Variants in CCDC85C observed in about 807,000 individuals in gnomAD.
The protein encoded by CCDC85C is coiled-coil domain containing 85C.
Under a neutral mutation model 38.3 loss-of-function variants are expected in CCDC85C, and 18 were observed. The ratio of observed to expected loss-of-function variants is 0.47; its 90% CI spans 0.33 to 0.70. CCDC85C has a LOEUF of 0.70. CCDC85C is among the 30% of genes least tolerant of loss of function. CCDC85C has a pLI of 0.03. For synonymous variants in CCDC85C, 264 were observed against 293.8 expected, an observed-to-expected ratio of 0.90 and a Z score of 1.04; for missense variants, 566 against 621.2, an observed-to-expected ratio of 0.91 and a Z score of 0.94.
chr14:99,506,517 A>G lies in CCDC85C; in HGVS notation c.*8729T>C, dbSNP rs1223917770. ...ACTGCTGGGCTTTTGTGAGCGGCACATTCTTCCTGCCATCAGTGTGTCAAC... is the reference window on the plus strand; with the variant it reads ...ACTGCTGGGCTTTTGTGAGCGGCACGTTCTTCCTGCCATCAGTGTGTCAAC... On this transcript the variant is annotated 3_prime_UTR_variant, in exon 6 of 6. Transcript: ENST00000380243. The G allele has an allele frequency of 3.3e-5, 5 of 153,686 alleles. No homozygotes were observed. The highest frequency in any genetic ancestry group is 1.2e-4 in the African/African-American group (5 of 41,442). 9.5% of individuals were successfully genotyped at this position (153,686 alleles called of 1,614,324 possible).
In CCDC85C at chr14:99,509,527, ACATG is replaced by A. The variant is rs764800118; in HGVS notation, c.*5715_*5718del. On this transcript the variant is annotated 3_prime_UTR_variant, in exon 6 of 6. Transcript: ENST00000380243. Reference sequence around the variant, plus strand: ...ACGCACACACACGCAGCACGCACAGACATGCAGCACGCACGCAGCACGCACACGC... The same window carrying A: ...ACGCACACACACGCAGCACGCACAGACAGCACGCACGCAGCACGCACACGC... 1 of 153,214 alleles carries A rather than the reference ACATG, an allele frequency of 6.5e-6. No homozygotes were observed. Among genetic ancestry groups the A allele is most frequent in the Non-Finnish European group, 1.4e-5 (1 of 69,188 alleles). 9.5% of individuals were successfully genotyped at this position (153,214 alleles called of 1,614,324 possible).
At chr14:99,517,240 C>T (rs902094589) in intron 3 of CCDC85C, 57 bp from the exon 4 acceptor site, 33 of 1,366,166 alleles carry the variant, frequency 2.4e-5, no homozygotes, top group African/African-American at 2.9e-5. Flanking sequence ...CAGGAATGAC[C>T]GGTGGCTCAG....
chr14:99,531,602 G>A (rs914479593), intron 2 of CCDC85C, among the ~76,000 whole-genome samples: 11 of 147,218 alleles, frequency 7.5e-5, no homozygotes, highest in East Asian at 4.1e-4. Context: ...GGGTGGGACC[G>A]CGGGGAGTAG....
chr14:99,599,745 C>T (rs961591352), intron 1 of CCDC85C, among the ~76,000 whole-genome samples: 1 of 152,142 alleles, frequency 6.6e-6, no homozygotes, highest in African/African-American at 2.4e-5. Context: ...CAAAAATTAT[C>T]TGGGCATGGT....
rs774874149 is a variant in CCDC85C, at chr14:99,500,960, G to C, written c.*14286C>G. On this transcript the variant is annotated 3_prime_UTR_variant, in exon 6 of 6. Transcript: ENST00000380243. ...ACTCAAATTACGCTTCTCAAAAGCG[G>C]AAAACAAAGTTTGATGTGTGAAATA... The C allele has an allele frequency of 8.7e-5, 73 of 834,290 alleles. No individual in the cohort carries two copies. The African/African-American group carries it at 1.2e-3, about 14-fold the overall frequency. 51.7% of individuals were successfully genotyped at this position (834,290 alleles called of 1,614,324 possible).
chr14:99,556,026 T>C (rs528286629), intron 1 of CCDC85C, among the ~76,000 whole-genome samples: 2 of 152,318 alleles, frequency 1.3e-5, no homozygotes, highest in Admixed American at 6.5e-5. Flanking sequence ...GTACTGTCAA[T>C]GCAGTTGGAA....
chr14:99,516,949 G>A lies in CCDC85C; in HGVS notation c.1071+139C>T, dbSNP rs933280169. 208 of 778,776 alleles carry A rather than the reference G, an allele frequency of 2.7e-4. No homozygotes were observed. The East Asian group carries it at 5.5e-3, about 20-fold the overall frequency. The allele number at this position is 778,776 out of a possible 1,614,324, so 48.2% of individuals were successfully genotyped here. A position where few individuals can be genotyped will look rare whatever the true frequency, so the allele number is the denominator to read the frequency against. On this transcript the variant is annotated intron_variant, in intron 4 of 5. Coordinates refer to ENST00000380243, the MANE Select transcript of CCDC85C (RefSeq NM_001144995.2). The surrounding 1 kb of genome is among the most constrained non-coding windows in gnomAD (Gnocchi z 5.5). ...GTTCAACCTCACAGTGCTCCAGGCA[G>A]CCATGGTCACCCAGCCACCCACACA...
rs888623016 is a variant in CCDC85C, at chr14:99,502,058, TAA to T, written c.*13186_*13187del. 1 of 842,272 alleles carries T rather than the reference TAA, an allele frequency of 1.2e-6. No homozygotes were observed. Among genetic ancestry groups the T allele is most frequent in the Non-Finnish European group, 1.7e-6 (1 of 598,094 alleles). 52.2% of individuals were successfully genotyped at this position (842,272 alleles called of 1,614,324 possible). A position where few individuals can be genotyped will look rare whatever the true frequency, so the allele number is the denominator to read the frequency against. On this transcript the variant is annotated 3_prime_UTR_variant, in exon 6 of 6. Coordinates refer to ENST00000380243, the MANE Select transcript of CCDC85C (RefSeq NM_001144995.2). ...ACTTAGTCGGGTACCTTTAGAAGAG[TAA>T]AGACTTGAGTTTATTTATTTATAGT...
chr14:99,554,652 C>T (rs1401118185), intron 1 of CCDC85C, among the ~76,000 whole-genome samples: 2 of 152,254 alleles, frequency 1.3e-5, no homozygotes, highest in Non-Finnish European at 2.9e-5. Context: ...CCCACCCAGG[C>T]TCAAGCTCCT....
At chr14:99,563,840 G>A (rs928643919) in intron 1 of CCDC85C, among the ~76,000 whole-genome samples, 2 of 152,202 alleles carry the variant, frequency 1.3e-5, no homozygotes, top group African/African-American at 4.8e-5. Context: ...GAGCCAGATG[G>A]GCTAGCAGAG....
chr14:99,590,337 G>C (rs1410481376), intron 1 of CCDC85C, among the ~76,000 whole-genome samples: 4 of 152,316 alleles, frequency 2.6e-5, no homozygotes, highest in African/African-American at 9.6e-5. Flanking sequence ...TCAGCAGGAG[G>C]AATGTGACAG....
intron 1 of CCDC85C, among the ~76,000 whole-genome samples, chr14:99,601,230 T>C (rs1415579474): frequency 1.3e-5 from 2 of 152,202 alleles, no homozygotes; most frequent in Non-Finnish European, 2.9e-5. Flanking sequence ...AAAGCAAGGT[T>C]TGCTGCCACA....
rs1018771382 is a variant in CCDC85C, at chr14:99,503,836, G to A, written c.*11410C>T. 4 of 586,358 alleles carry A rather than the reference G, an allele frequency of 6.8e-6. No homozygotes were observed. The highest frequency in any genetic ancestry group is 4.3e-5 in the South Asian group (2 of 46,112). 36.3% of individuals were successfully genotyped at this position (586,358 alleles called of 1,614,324 possible). ...ATAGATTCTAAAATTGTGCTCTTACGAAGCTATCAGTACAGAAAACATTAC... is the reference window on the plus strand; with the variant it reads ...ATAGATTCTAAAATTGTGCTCTTACAAAGCTATCAGTACAGAAAACATTAC... On this transcript the variant is annotated 3_prime_UTR_variant, in exon 6 of 6. Transcript: ENST00000380243.
chr14:99,583,485 C>T (rs1175143020), intron 1 of CCDC85C, among the ~76,000 whole-genome samples: 10 of 123,006 alleles, frequency 8.1e-5, no homozygotes, highest in East Asian at 2.3e-4. Context: ...GGCTGGGCAA[C>T]GAGCAAAACT....
At chr14:99,565,259 C>T (rs1898193225) in intron 1 of CCDC85C, among the ~76,000 whole-genome samples, 1 of 152,212 alleles carries the variant, frequency 6.6e-6, no homozygotes, top group African/African-American at 2.4e-5. Flanking sequence ...TGTGCACAAT[C>T]CCCTCCTCCT....
chr14:99,603,561 G>T lies in CCDC85C; in HGVS notation c.399C>A (p.Arg133=). Residue 133 remains arginine, a synonymous_variant, in exon 1 of 6, where the codon CGC becomes CGA. Transcript: ENST00000380243. The surrounding 1 kb of genome is among the most constrained non-coding windows in gnomAD (Gnocchi z 7.5). ...SQQKLRELEA[R]QEALLRENLE... is the part of the protein sequence containing the mutation. ...GGTTCTCGCGCAGCAGGGCCTCCTG[G>T]CGCGCCTCGAGCTCGCGCAGCTTCT... The T allele has an allele frequency of 7.2e-7, 1 of 1,395,776 alleles. No homozygotes were observed. The highest frequency in any genetic ancestry group is 9.3e-7 in the Non-Finnish European group (1 of 1,080,770). The allele number at this position is 1,395,776 out of a possible 1,614,324, so 86.5% of individuals were successfully genotyped here. A position where few individuals can be genotyped will look rare whatever the true frequency, so the allele number is the denominator to read the frequency against.
At chr14:99,587,785 G>T (rs528957194) in intron 1 of CCDC85C, among the ~76,000 whole-genome samples, 2 of 152,242 alleles carry the variant, frequency 1.3e-5, no homozygotes, top group East Asian at 3.9e-4. Context: ...CTGCACGGGG[G>T]CTGACTCTAC....
At chr14:99,564,444 C>T (rs1363531269) in intron 1 of CCDC85C, among the ~76,000 whole-genome samples, 1 of 152,238 alleles carries the variant, frequency 6.6e-6, no homozygotes. Flanking sequence ...GGAGCACGTC[C>T]GCACTTTTCT....
In CCDC85C at chr14:99,572,967, G is replaced by GA. The variant is rs1430749513; in HGVS notation, c.793+30199dup. The GA allele has an allele frequency of 2.6e-6, 1 of 384,994 alleles. No individual in the cohort carries two copies. Among genetic ancestry groups the GA allele is most frequent in the African/African-American group, 2.1e-5 (1 of 47,818 alleles). 23.8% of individuals were successfully genotyped at this position (384,994 alleles called of 1,614,324 possible). A position where few individuals can be genotyped will look rare whatever the true frequency, so the allele number is the denominator to read the frequency against. ...CCTGCCTTCGCCTCCTACAAGATAG[G>GA]ATGGCAGCAGCCTCAGAGCAGAAGG... On this transcript the variant is annotated intron_variant, in intron 1 of 5. Coordinates refer to ENST00000380243, the MANE Select transcript of CCDC85C (RefSeq NM_001144995.2). The surrounding 1 kb of genome is among the most constrained non-coding windows in gnomAD (Gnocchi z 4.4).
Sources: gnomAD v4.1 joint callset for allele counts (sites outside exome capture counted in the v4.1 genomes callset) on GRCh38, gnomAD v4.1.1 for gene constraint, Gnocchi (gnomAD v3.1) non-coding constraint, MANE v1.5 for transcripts, NCBI Gene and HGNC (gene_info 2026-07-23, HGNC 2026-07-21) for gene names.